Variants in ENTHD1 observed in about 807,000 individuals in gnomAD.
The protein encoded by ENTHD1 is ENTH domain-containing protein 1.
A neutral mutation model predicts 39.1 loss-of-function variants in ENTHD1; 23 were observed. That is an observed-to-expected ratio of 0.59 (90% CI 0.42 to 0.83). The LOEUF is 0.83. Among genes scored for constraint, ENTHD1 ranks in the 40% least tolerant of loss-of-function variants. ENTHD1 has a pLI of 0.00. For synonymous variants in ENTHD1, 230 were observed against 258.2 expected, an observed-to-expected ratio of 0.89 and a Z score of 1.05; for missense variants, 624 against 705.4, an observed-to-expected ratio of 0.88 and a Z score of 1.31.
At chr22:39,877,419 C>A (rs1383217169) in intron 2 of ENTHD1, among the ~76,000 whole-genome samples, 1 of 152,230 alleles carries the variant, frequency 6.6e-6, no homozygotes, top group African/African-American at 2.4e-5. Context: ...ATCAACTCTT[C>A]TTGGATCCGT....
At chr22:39,851,890 C>G (rs1169317543) in intron 3 of ENTHD1, among the ~76,000 whole-genome samples, 1 of 152,172 alleles carries the variant, frequency 6.6e-6, no homozygotes, top group African/African-American at 2.4e-5. Flanking sequence ...CACTTCCAGT[C>G]TTTGGTTATT....
At chr22:39,759,563 GTTT>G (rs1206219725) in intron 6 of ENTHD1, among the ~76,000 whole-genome samples, 2 of 151,846 alleles carry the variant, frequency 1.3e-5, no homozygotes, top group African/African-American at 4.8e-5. Context: ...CCTTTAATCT[GTTT>G]TTATTTCATT....
In ENTHD1 at chr22:39,878,328, A is replaced by T. The variant is rs953492502; in HGVS notation, c.349+9072T>A. Among the ~76,000 whole-genome samples the T allele has an allele frequency of 3.3e-5, 5 of 152,190 alleles. No individual in the cohort carries two copies. The South Asian group carries it at 1.0e-3, about 32-fold the overall frequency. On this transcript the variant is annotated intron_variant, in intron 2 of 6. Transcript: ENST00000325157. ...TATCCAAGAACTATGGGACAACTAT[A>T]AAAGGTGTAACATATGTGTAATGGA...
intron 5 of ENTHD1, among the ~76,000 whole-genome samples, chr22:39,781,600 A>G (rs1780218192): frequency 6.6e-6 from 1 of 152,182 alleles, no homozygotes; most frequent in Admixed American, 6.5e-5. Flanking sequence ...CACCTCAAGG[A>G]ACTAGAGAAG....
chr22:39,749,769 G>A lies in ENTHD1; in HGVS notation c.1220-5486C>T, dbSNP rs143105363. 4.1e-3 allele frequency among the ~76,000 whole-genome samples: 618 copies of A among 152,302 alleles called. 4 individuals carry two copies. The highest frequency in any genetic ancestry group is 5.9e-3 in the Non-Finnish European group (398 of 68,020). On this transcript the variant is annotated intron_variant, in intron 6 of 6. Transcript: ENST00000325157. Reference sequence around the variant, plus strand: ...ACTGAGGGGTCCTGTCCTCGGGACCGGTGATAGGTTAGCTGGGAACAGGAG... The same window carrying A: ...ACTGAGGGGTCCTGTCCTCGGGACCAGTGATAGGTTAGCTGGGAACAGGAG...
chr22:39,823,971 C>T (rs983627103), intron 4 of ENTHD1, among the ~76,000 whole-genome samples: 1 of 152,100 alleles, frequency 6.6e-6, no homozygotes, highest in Non-Finnish European at 1.5e-5. Flanking sequence ...ATAACATGTG[C>T]CCATTTTCTA....
chr22:39,746,372 A>G (rs74649312), intron 6 of ENTHD1, among the ~76,000 whole-genome samples: 2 of 152,096 alleles, frequency 1.3e-5, no homozygotes, highest in Non-Finnish European at 2.9e-5. Flanking sequence ...CACATACTGT[A>G]TTCTCTTATT....
At chr22:39,808,961 T>C (rs1310444446) in intron 5 of ENTHD1, among the ~76,000 whole-genome samples, 1 of 152,208 alleles carries the variant, frequency 6.6e-6, no homozygotes, top group Non-Finnish European at 1.5e-5. Context: ...AAGGTTTTAA[T>C]TGGATGTCTT....
At chr22:39,775,756 G>T (rs2065360795) in intron 5 of ENTHD1, among the ~76,000 whole-genome samples, 1 of 152,170 alleles carries the variant, frequency 6.6e-6, no homozygotes, top group Admixed American at 6.5e-5. Flanking sequence ...CTCTGTATCT[G>T]TGCTGCTTGC....
intron 4 of ENTHD1, among the ~76,000 whole-genome samples, chr22:39,827,144 T>G (rs1352692575): frequency 1.3e-5 from 2 of 151,622 alleles, no homozygotes; most frequent in East Asian, 3.9e-4. Flanking sequence ...GCCTCCCAAG[T>G]AGCTGGGACT....
rs1193204701 is a variant in ENTHD1, at chr22:39,743,710, T to C, written c.1793A>G (p.Gln598Arg). Residue 598 changes from glutamine (Q) to arginine (R), a missense_variant, in exon 7 of 7, where the codon CAG becomes CGG. Physicochemically the swap from Gln to Arg is conservative, Grantham distance 43. Coordinates refer to ENST00000325157, the MANE Select transcript of ENTHD1 (RefSeq NM_152512.4). ...SQISQSSQVP[Q>R]SSEGSSDQI ...CTGATCTGAGCTCCCCTCAGAAGAC[T>C]GGGGGACCTGGGAAGACTGGCTTAT... 6.2e-7 allele frequency: 1 copy of C among 1,613,174 alleles called. No homozygotes were observed. The highest frequency in any genetic ancestry group is 8.5e-7 in the Non-Finnish European group (1 of 1,179,618).
At chr22:39,890,535 T>G (rs1389808373) in intron 1 of ENTHD1, among the ~76,000 whole-genome samples, 1 of 152,208 alleles carries the variant, frequency 6.6e-6, no homozygotes. Context: ...ATGTTAATTT[T>G]TTTTTCTTTT....
intron 2 of ENTHD1, among the ~76,000 whole-genome samples, chr22:39,864,123 AAT>A (rs1429786282): frequency 6.6e-6 from 1 of 152,212 alleles, no homozygotes; most frequent in African/African-American, 2.4e-5. Context: ...CTTTGGGAAC[AAT>A]ATGTCAGACA....
In ENTHD1 at chr22:39,875,528, C is replaced by T. The variant is rs1321438096; in HGVS notation, c.349+11872G>A. On this transcript the variant is annotated intron_variant, in intron 2 of 6. Coordinates refer to ENST00000325157, the MANE Select transcript of ENTHD1 (RefSeq NM_152512.4). ...TGTCCCTGCTTCTGTTTGTTATTCC[C>T]ACACAGACGTCAAGGTGCCTGACTT... The T allele has an allele frequency of 2.5e-6, 4 of 1,608,206 alleles. No individual in the cohort carries two copies. The Admixed American group carries it at 5.0e-5, about 20-fold the overall frequency.
At position 39,747,797 on chromosome 22, in the gene ENTHD1, T is replaced by TA. The variant is rs112248034; in HGVS notation, c.1220-3515dup. On this transcript the variant is annotated intron_variant, in intron 6 of 6. Coordinates refer to ENST00000325157, the MANE Select transcript of ENTHD1 (RefSeq NM_152512.4). Reference sequence around the variant, plus strand: ...GAAAACAGATTTTAGCCCACTTCATTAAAAAAAAAACTTTCTCATTGTCAT... The same window carrying TA: ...GAAAACAGATTTTAGCCCACTTCATTAAAAAAAAAAACTTTCTCATTGTCAT... 1.9e-3 allele frequency among the ~76,000 whole-genome samples: 288 copies of TA among 147,912 alleles called. 1 individual carries two copies. Among genetic ancestry groups the TA allele is most frequent in the African/African-American group, 5.6e-3 (226 of 40,524 alleles).
At chr22:39,777,871 A>G (rs1357423448) in intron 5 of ENTHD1, among the ~76,000 whole-genome samples, 1 of 152,208 alleles carries the variant, frequency 6.6e-6, no homozygotes, top group Non-Finnish European at 1.5e-5. Context: ...ATCTTTATCT[A>G]TTGCAACGTT....
intron 5 of ENTHD1, among the ~76,000 whole-genome samples, chr22:39,819,670 C>A (rs1470878032): frequency 3.9e-5 from 6 of 152,044 alleles, no homozygotes; most frequent in African/African-American, 1.5e-4. Flanking sequence ...GGATACACAT[C>A]ATTATACATT....
intron 2 of ENTHD1, among the ~76,000 whole-genome samples, chr22:39,884,569 T>C (rs2066365907): frequency 6.6e-6 from 1 of 150,718 alleles, no homozygotes; most frequent in African/African-American, 2.4e-5. Context: ...AAAAAGCTTA[T>C]GAAAGAACAA....
rs1601617823 is a variant in ENTHD1, at chr22:39,821,234, A to C, written c.712-121T>G. 2.0e-5 allele frequency: 25 copies of C among 1,224,846 alleles called. No homozygotes were observed. The East Asian group carries it at 6.2e-4, about 31-fold the overall frequency. 75.9% of individuals were successfully genotyped at this position (1,224,846 alleles called of 1,614,324 possible). A position where few individuals can be genotyped will look rare whatever the true frequency, so the allele number is the denominator to read the frequency against. ...ATCATCATAAACACATTCTAATTTAATTAACTCAAACATACATCTATCACT... is the reference window on the plus strand; with the variant it reads ...ATCATCATAAACACATTCTAATTTACTTAACTCAAACATACATCTATCACT... On this transcript the variant is annotated intron_variant, in intron 4 of 6. Transcript: ENST00000325157.
Sources: allele counts gnomAD v4.1 joint callset (sites outside exome capture counted in the v4.1 genomes callset), GRCh38; gene constraint gnomAD v4.1.1; transcripts MANE v1.5; gene names NCBI Gene and HGNC (gene_info 2026-07-23, HGNC 2026-07-21).